GALNT1: variants seen among roughly 807,000 people sequenced by gnomAD.
GALNT1 encodes the protein polypeptide N-acetylgalactosaminyltransferase 1.
In GALNT1, 17 loss-of-function variants were observed where a neutral mutation model predicts 65.7. The ratio of observed to expected loss-of-function variants is 0.26; its 90% CI spans 0.18 to 0.39. GALNT1 has a LOEUF of 0.39. Ranked by LOEUF, GALNT1 falls within the 10% of genes least tolerant of loss-of-function variation. GALNT1 has a pLI of 1.00. For missense variants in GALNT1, 460 were observed against 672.8 expected, an observed-to-expected ratio of 0.68 and a Z score of 3.50; for synonymous variants, 210 against 219.7, an observed-to-expected ratio of 0.96 and a Z score of 0.39.
At chr18:35,606,821 T>TTGTGTGTGTGTG (rs10526510) in intron 1 of GALNT1, among the ~76,000 whole-genome samples, 25 of 135,672 alleles carry the variant, frequency 1.8e-4, no homozygotes, top group Middle Eastern at 3.7e-3. Context: ...TGTTGATGTT[T>TTGTGTGTGTGTG]TGTGTGTGTG....
At chr18:35,691,683 C>T (rs113995159) in intron 8 of GALNT1, among the ~76,000 whole-genome samples, 1,674 of 152,310 alleles carry the variant, frequency 0.011, 28 homozygotes, top group African/African-American at 0.037. Flanking sequence ...AAACGTGCCA[C>T]AGGGCCTTCT....
chr18:35,686,721 TTAAATA>T (rs1357298970), intron 5 of GALNT1, among the ~76,000 whole-genome samples: 1 of 152,108 alleles, frequency 6.6e-6, no homozygotes, highest in East Asian at 1.9e-4. Flanking sequence ...GATTAAAGTC[TTAAATA>T]TAAAAAACAA....
intron 9 of GALNT1, among the ~76,000 whole-genome samples, chr18:35,693,391 A>C (rs753417688): frequency 3.3e-5 from 5 of 152,190 alleles, no homozygotes; most frequent in Non-Finnish European, 7.4e-5. Flanking sequence ...AGACAAAGTG[A>C]GGGTCAAATC....
chr18:35,594,429 G>A (rs1417035011), intron 1 of GALNT1, among the ~76,000 whole-genome samples: 2 of 151,958 alleles, frequency 1.3e-5, no homozygotes, highest in African/African-American at 2.4e-5. Flanking sequence ...GGTAGAGGGT[G>A]AGAGAGGGGG....
intron 1 of GALNT1, among the ~76,000 whole-genome samples, chr18:35,630,753 A>G (rs956301378): frequency 4.6e-5 from 7 of 152,216 alleles, no homozygotes; most frequent in African/African-American, 1.7e-4. Flanking sequence ...CAAAAAATCA[A>G]TGAATCCAGG....
chr18:35,614,000 G>T (rs1427360163), intron 1 of GALNT1, among the ~76,000 whole-genome samples: 2 of 152,084 alleles, frequency 1.3e-5, no homozygotes, highest in Admixed American at 6.6e-5. Context: ...CACAGGTAAA[G>T]TTTCTTCCTA....
chr18:35,602,004 C>A (rs1023521527), intron 1 of GALNT1, among the ~76,000 whole-genome samples: 2 of 152,188 alleles, frequency 1.3e-5, no homozygotes, highest in African/African-American at 2.4e-5. Flanking sequence ...TGCACATCAG[C>A]ATCCTTTTCT....
Position 35,626,833 on chromosome 18 carries a change from A to G in GALNT1, c.-103-27727A>G, listed in dbSNP as rs567563547. ...TACACTACTTCTGTACTCTCCAACA[A>G]TAGCCAAAGGTTGAAAAGTGTAGTT... On this transcript the variant is annotated intron_variant, in intron 1 of 11. Transcript: ENST00000269195. 5.9e-5 allele frequency among the ~76,000 whole-genome samples: 9 copies of G among 152,358 alleles called. No individual in the cohort carries two copies. The East Asian group carries it at 1.2e-3, about 20-fold the overall frequency.
At chr18:35,586,560 G>A (rs190881342) in intron 1 of GALNT1, among the ~76,000 whole-genome samples, 6 of 141,804 alleles carry the variant, frequency 4.2e-5, no homozygotes, top group African/African-American at 1.7e-4. Context: ...ATAGTTTTGT[G>A]GTTTTTACAT....
In GALNT1 at chr18:35,692,312, T is replaced by A; in HGVS notation, c.1291T>A (p.Leu431Met). The A allele has an allele frequency of 1.9e-6, 3 of 1,563,742 alleles. No individual in the cohort carries two copies. The highest frequency in any genetic ancestry group is 2.6e-6 in the Non-Finnish European group (3 of 1,140,766). Residue 431 changes from leucine to methionine, a missense_variant, in exon 9 of 12, where the codon TTG (leucine) becomes ATG (methionine). By Grantham distance (15) the Leu-to-Met change is conservative. Transcript: ENST00000269195. ...TCAAATTCCACGTCACTATTTCTCA[T>A]TGGGAGAGGTAAGAAATATATATAT... ...DSQIPRHYFS[L>M]GEIRNVETNQ...
intron 1 of GALNT1, among the ~76,000 whole-genome samples, chr18:35,588,297 A>G (rs1450898158): frequency 6.6e-6 from 1 of 152,152 alleles, no homozygotes; most frequent in East Asian, 1.9e-4. Flanking sequence ...GGAGAAATCC[A>G]CTGTCATTCT....
chr18:35,676,303 A>G (rs999201875), intron 3 of GALNT1, among the ~76,000 whole-genome samples: 5 of 152,026 alleles, frequency 3.3e-5, no homozygotes, highest in Non-Finnish European at 4.4e-5. Flanking sequence ...GTGAAGAGGG[A>G]GAGAGGGGCT....
intron 1 of GALNT1, among the ~76,000 whole-genome samples, chr18:35,597,775 C>CATGTAATAA (rs953617606): frequency 6.6e-6 from 1 of 152,130 alleles, no homozygotes; most frequent in Non-Finnish European, 1.5e-5. Context: ...TAGTCAAATT[C>CATGTAATAA]ATGTAATAAA....
At chr18:35,585,480 T>C (rs1004089763) in intron 1 of GALNT1, among the ~76,000 whole-genome samples, 1 of 152,224 alleles carries the variant, frequency 6.6e-6, no homozygotes, top group Non-Finnish European at 1.5e-5. Context: ...CATTTAGTCC[T>C]CAGTTACCTG....
intron 1 of GALNT1, among the ~76,000 whole-genome samples, chr18:35,593,362 G>T (rs1158252198): frequency 6.6e-6 from 1 of 152,178 alleles, no homozygotes; most frequent in Non-Finnish European, 1.5e-5. Context: ...ATTACCAGGG[G>T]ATAGGAGTGA....
chr18:35,604,325 A>T (rs896848892), intron 1 of GALNT1, among the ~76,000 whole-genome samples: 9 of 152,170 alleles, frequency 5.9e-5, no homozygotes, highest in Non-Finnish European at 1.2e-4. Context: ...ACTGCTGATG[A>T]TGGGCATCTA....
At chr18:35,659,080 A>G (rs189014701) in intron 2 of GALNT1, among the ~76,000 whole-genome samples, 43 of 152,306 alleles carry the variant, frequency 2.8e-4, no homozygotes, top group African/African-American at 9.4e-4. Flanking sequence ...CCAAAACAAA[A>G]CAACAAAAAG....
chr18:35,678,334 A>G (rs558192524), intron 4 of GALNT1, among the ~76,000 whole-genome samples: 1 of 143,624 alleles, frequency 7.0e-6, no homozygotes, highest in South Asian at 2.1e-4. Context: ...GTAAATCTCT[A>G]CAGACTCTTG....
At chr18:35,585,115 A>G (rs1365493435) in intron 1 of GALNT1, among the ~76,000 whole-genome samples, 19 of 152,158 alleles carry the variant, frequency 1.2e-4, no homozygotes, top group Admixed American at 1.2e-3. Context: ...TGGGTTGGGG[A>G]GGACGGCTTC....
Sources: allele counts gnomAD v4.1 joint callset (sites outside exome capture counted in the v4.1 genomes callset), GRCh38; gene constraint gnomAD v4.1.1; transcripts MANE v1.5; gene names NCBI Gene and HGNC (gene_info 2026-07-23, HGNC 2026-07-21).